The following RPS6KC1 variants were observed in gnomAD, a reference collection of about 807,000 sequenced individuals.
RPS6KC1 encodes the protein ribosomal protein S6 kinase C1.
In RPS6KC1, 54 loss-of-function variants were observed where a neutral mutation model predicts 103.8. The observed-to-expected ratio is 0.52, with a 90% confidence interval of 0.42 to 0.65. The LOEUF is 0.65. Among genes scored for constraint, RPS6KC1 ranks in the 30% least tolerant of loss-of-function variants. RPS6KC1 has a pLI of 0.00. For synonymous variants in RPS6KC1, 439 were observed against 438.7 expected (o/e 1.00, Z -0.01); for missense variants, 1,151 against 1,253.8 (o/e 0.92, Z 1.24).
At chr1:213,634,485 T>C in the RPS6KC1 span, among the ~76,000 whole-genome samples, 1 of 152,136 alleles carries the variant, frequency 6.6e-6, no homozygotes. Context: ...GACTATTGGG[T>C]AAATAATGAA....
At chr1:213,255,366 T>G (rs889658866) in intron 12 of RPS6KC1, among the ~76,000 whole-genome samples, 2 of 151,932 alleles carry the variant, frequency 1.3e-5, no homozygotes, top group African/African-American at 2.4e-5. Flanking sequence ...TTTCTACTTG[T>G]TTCTAGAGAT....
the RPS6KC1 span, among the ~76,000 whole-genome samples, chr1:213,603,405 G>A: frequency 2.3e-4 from 35 of 152,350 alleles, no homozygotes; most frequent in African/African-American, 8.2e-4. Flanking sequence ...ATGGGCAGAA[G>A]TTAGGACCAG....
At chr1:213,075,960 C>T (rs934529315) in intron 2 of RPS6KC1, among the ~76,000 whole-genome samples, 1 of 152,170 alleles carries the variant, frequency 6.6e-6, no homozygotes. Flanking sequence ...ACATCTACAG[C>T]ACTCTTGGAC....
the RPS6KC1 span, among the ~76,000 whole-genome samples, chr1:213,606,476 CAT>C: frequency 6.6e-6 from 1 of 152,212 alleles, no homozygotes; most frequent in Admixed American, 6.5e-5. Context: ...GCGAGAAAGC[CAT>C]GTGTTTGAAG....
the RPS6KC1 span, among the ~76,000 whole-genome samples, chr1:213,350,442 T>C: frequency 6.6e-6 from 1 of 152,072 alleles, no homozygotes; most frequent in African/African-American, 2.4e-5. Context: ...GGGGCAGATG[T>C]GGGAGTGTGT....
the RPS6KC1 span, among the ~76,000 whole-genome samples, chr1:213,623,595 T>G: frequency 2.0e-5 from 3 of 152,178 alleles, no homozygotes; most frequent in Non-Finnish European, 4.4e-5. Context: ...CAGGGGTGTT[T>G]CAGAGATTCA....
At chr1:213,081,166 G>A (rs751209464) in intron 3 of RPS6KC1, among the ~76,000 whole-genome samples, 1 of 152,152 alleles carries the variant, frequency 6.6e-6, no homozygotes, top group Non-Finnish European at 1.5e-5. Flanking sequence ...AGTCTGTGTA[G>A]TGTTGCTACA....
rs549034198 is a variant in RPS6KC1, at chr1:213,214,542, A to G, written c.1045-15955A>G. On this transcript the variant is annotated intron_variant, in intron 8 of 14. Transcript: ENST00000366960. ...TGAAGAGAGTAGTGGTTCTCCCAGC[A>G]TGGACCTTGAGATCTGAGAATGGAC... Among the ~76,000 whole-genome samples the G allele has an allele frequency of 2.0e-5, 3 of 152,298 alleles. No homozygotes were observed. The South Asian group carries it at 6.2e-4, about 32-fold the overall frequency.
At chr1:213,095,157 C>T (rs999927590) in intron 3 of RPS6KC1, among the ~76,000 whole-genome samples, 1 of 152,164 alleles carries the variant, frequency 6.6e-6, no homozygotes, top group African/African-American at 2.4e-5. Flanking sequence ...ATGTATTCTC[C>T]TTAGTTGTAA....
the RPS6KC1 span, among the ~76,000 whole-genome samples, chr1:213,517,190 A>T: frequency 2.5e-5 from 2 of 79,852 alleles, no homozygotes; most frequent in South Asian, 5.0e-4. Flanking sequence ...TCCTGGATTC[A>T]TTGATTTTTT....
chr1:213,207,904 G>A (rs185444826), intron 8 of RPS6KC1, among the ~76,000 whole-genome samples: 2 of 152,048 alleles, frequency 1.3e-5, no homozygotes, highest in African/African-American at 2.4e-5. Flanking sequence ...AACGCCATAC[G>A]TCAAGTGATC....
the RPS6KC1 span, among the ~76,000 whole-genome samples, chr1:213,651,061 T>G: frequency 6.6e-6 from 1 of 151,878 alleles, no homozygotes; most frequent in Middle Eastern, 3.2e-3. Flanking sequence ...GAGTGTTGTT[T>G]GGAAGTGTGA....
At chr1:213,495,015 G>T in the RPS6KC1 span, among the ~76,000 whole-genome samples, 1 of 152,218 alleles carries the variant, frequency 6.6e-6, no homozygotes, top group Non-Finnish European at 1.5e-5. Context: ...AAAGGATTTT[G>T]AAGGGGAATA....
the RPS6KC1 span, among the ~76,000 whole-genome samples, chr1:213,374,964 C>T: frequency 3.4e-4 from 51 of 152,094 alleles, no homozygotes; most frequent in Middle Eastern, 3.4e-3. Flanking sequence ...ACTACTACAA[C>T]GACAACAACT....
the RPS6KC1 span, among the ~76,000 whole-genome samples, chr1:213,691,819 G>T: frequency 6.6e-6 from 1 of 152,168 alleles, no homozygotes; most frequent in Non-Finnish European, 1.5e-5. Context: ...CAGGACTCCA[G>T]TCTTAATGGA....
intron 7 of RPS6KC1, among the ~76,000 whole-genome samples, chr1:213,173,260 T>C (rs917436402): frequency 6.6e-6 from 1 of 152,230 alleles, no homozygotes; most frequent in Non-Finnish European, 1.5e-5. Context: ...TCTTTCTTTG[T>C]TCGTTTCTGT....
chr1:213,296,514 C>T, the RPS6KC1 span, among the ~76,000 whole-genome samples: 401 of 152,254 alleles, frequency 2.6e-3, 2 homozygotes, highest in African/African-American at 8.2e-3. Flanking sequence ...AGCAGTGGGT[C>T]CAGGCAGTGA....
chr1:213,464,556 C>T, the RPS6KC1 span, among the ~76,000 whole-genome samples: 2 of 152,000 alleles, frequency 1.3e-5, no homozygotes, highest in Admixed American at 1.3e-4. Flanking sequence ...AATATATTAT[C>T]TTTCATTAGT....
At chr1:213,625,089 T>A in the RPS6KC1 span, among the ~76,000 whole-genome samples, 1 of 152,048 alleles carries the variant, frequency 6.6e-6, no homozygotes, top group African/African-American at 2.4e-5. Context: ...TTCAAGCGAT[T>A]CTCCTACCTC....
Sources: allele counts gnomAD v4.1 joint callset (sites outside exome capture counted in the v4.1 genomes callset), GRCh38; gene constraint gnomAD v4.1.1; transcripts MANE v1.5; gene names NCBI Gene and HGNC (gene_info 2026-07-23, HGNC 2026-07-21).